Variants in HSP90AA1 observed in about 807,000 individuals in gnomAD.
HSP90AA1 encodes heat shock protein 90 alpha family class A member 1.
In HSP90AA1, 18 loss-of-function variants were observed where a neutral mutation model predicts 73.3. That is an observed-to-expected ratio of 0.25 (90% confidence interval 0.17 to 0.36). The LOEUF (loss-of-function observed/expected upper bound fraction) is 0.36. Ranked by LOEUF, HSP90AA1 falls within the 10% of genes least tolerant of loss-of-function variation. The probability of loss-of-function intolerance (pLI) is 1.00; values close to 1 mark genes in which losing one functional copy is unlikely to be tolerated. For missense variants in HSP90AA1, 704 were observed against 874.2 expected, an observed-to-expected ratio of 0.81 and a Z score of 2.45; for synonymous variants, 477 against 296.9, an observed-to-expected ratio of 1.61 and a Z score of -6.24.
At chr14:102,134,769 T>C (rs2049960993) in intron 1 of HSP90AA1, among the ~76,000 whole-genome samples, 1 of 152,164 alleles carries the variant, frequency 6.6e-6, no homozygotes, top group African/African-American at 2.4e-5. Context: ...GAGTGAGCAG[T>C]AGCAAGATTT....
At chr14:102,128,021 A>G (rs1434165337) in intron 1 of HSP90AA1, among the ~76,000 whole-genome samples, 3 of 152,152 alleles carry the variant, frequency 2.0e-5, no homozygotes, top group Admixed American at 6.6e-5. Flanking sequence ...TCAAGCAGAA[A>G]TGAACATTGG....
At chr14:102,125,366 T>G (rs1471445834) in intron 1 of HSP90AA1, among the ~76,000 whole-genome samples, 1 of 152,198 alleles carries the variant, frequency 6.6e-6, no homozygotes. Context: ...TCTTGCAATG[T>G]TAAAACCTAT....
chr14:102,102,251 G>A (rs2049503945), intron 1 of HSP90AA1, among the ~76,000 whole-genome samples: 1 of 152,166 alleles, frequency 6.6e-6, no homozygotes, highest in Non-Finnish European at 1.5e-5. Flanking sequence ...CTTCCTGCAG[G>A]AAGTTCAACT....
At chr14:102,089,147 GT>G (rs1214260673), upstream of HSP90AA1, among the ~76,000 whole-genome samples, 1 of 152,026 alleles carries the variant, frequency 6.6e-6, no homozygotes. Context: ...TCTCGAACCC[GT>G]GACCTCAGGT....
At position 102,084,439 on chromosome 14, in the gene HSP90AA1, G is replaced by A; in HGVS notation, c.1107C>T (p.Phe369=). The stretch of plus-strand genomic sequence containing the variant: ...TTAGCTCCTCACAGTTATCCATGAT[G>A]AAAACTCTGCGTACATACAATTTGA... ...NNIKLYVRRV[F]IMDNCEELIP... is the part of the protein sequence containing the mutation. Residue 369 remains phenylalanine, a synonymous_variant, in exon 6 of 11, where the codon TTC becomes TTT. Transcript: ENST00000216281. The A allele has an allele frequency of 3.1e-6, 5 of 1,613,522 alleles. No homozygotes were observed. Among genetic ancestry groups the A allele is most frequent in the South Asian group, 1.1e-5 (1 of 91,070 alleles).
At chr14:102,111,559 A>C (rs949213831) in intron 1 of HSP90AA1, among the ~76,000 whole-genome samples, 2 of 152,254 alleles carry the variant, frequency 1.3e-5, no homozygotes, top group African/African-American at 4.8e-5. Flanking sequence ...AACTGGCCCA[A>C]AACAAAGCAT....
At chr14:102,105,230 C>CAAA (rs1491556807) in intron 1 of HSP90AA1, among the ~76,000 whole-genome samples, 4 of 118,990 alleles carry the variant, frequency 3.4e-5, no homozygotes, top group African/African-American at 1.5e-4. Flanking sequence ...AAAAAAAAAA[C>CAAA]CAAACTTCAT....
At chr14:102,087,237 G>T, upstream of HSP90AA1, 1 of 872,518 alleles carries the variant, frequency 1.1e-6, no homozygotes, top group Non-Finnish European at 1.4e-6. Flanking sequence ...CCTGCTCGTG[G>T]CCCGGCCCGG....
Position 102,139,314 on chromosome 14 carries a change from G to A in HSP90AA1, c.91C>T (p.Arg31Cys), listed in dbSNP as rs370815348. 21 of 1,613,738 alleles carry A rather than the reference G, an allele frequency of 1.3e-5. No homozygotes were observed. The African/African-American group carries it at 1.5e-4, about 11-fold the overall frequency. Residue 31 changes from arginine (R) to cysteine (C), a missense_variant, in exon 1 of 12, where the codon CGC becomes TGC. Transcript: ENST00000334701. ...CCTGGGCGGGGATCCAGACGGTCGC[G>A]CGGGTATTCAGCACTCTGGGCGGGA...
rs768184998 is a variant in HSP90AA1, at chr14:102,081,718, T to G, written c.2193A>C (p.Val731=). The change falls in exon 11 of 11, where the codon GTA becomes GTC. Residue 731 remains valine (V), a synonymous_variant. Coordinates refer to ENST00000216281, the MANE Select transcript of HSP90AA1 (RefSeq NM_005348.4). The stretch of plus-strand genomic sequence containing the variant: ...GTCATCCCTCAGCCAGAGATTAGTC[T>G]ACTTCTTCCATGCGTGATGTGTCGT... ...GDDDTSRMEE[V]D 9 of 1,424,382 alleles carry G rather than the reference T, an allele frequency of 6.3e-6. No homozygotes were observed. In the South Asian group the frequency reaches 1.0e-4, roughly 16 times the overall value. 88.2% of individuals were successfully genotyped at this position (1,424,382 alleles called of 1,614,324 possible).
intron 4 of HSP90AA1, 118 bp from the exon 5 acceptor site, chr14:102,085,116 G>T: frequency 6.5e-7 from 1 of 1,550,250 alleles, no homozygotes; most frequent in Non-Finnish European, 8.9e-7. Flanking sequence ...GAAGCACCCA[G>T]CTTTTCATCA....
rs546002924 is a variant in HSP90AA1, at chr14:102,081,711, A to T, written c.*1T>A. On this transcript the variant is annotated 3_prime_UTR_variant, in exon 11 of 11. Coordinates refer to ENST00000216281, the MANE Select transcript of HSP90AA1 (RefSeq NM_005348.4). The stretch of plus-strand genomic sequence containing the variant: ...CAGGTAAGTCATCCCTCAGCCAGAG[A>T]TTAGTCTACTTCTTCCATGCGTGAT... 3 of 1,332,838 alleles carry T rather than the reference A, an allele frequency of 2.3e-6. No individual in the cohort carries two copies. In the East Asian group the frequency reaches 6.9e-5, roughly 31 times the overall value. The allele number at this position is 1,332,838 out of a possible 1,614,324, so 82.6% of individuals were successfully genotyped here.
At chr14:102,139,380 C>T (rs781564376) in exon 1 of HSP90AA1, 1 of 1,585,832 alleles carries the variant, frequency 6.3e-7, no homozygotes, top group Admixed American at 1.8e-5. Context: ...GGGGTGGAGC[C>T]GTCCCCGCCC....
At chr14:102,135,939 C>T (rs962667053) in intron 1 of HSP90AA1, among the ~76,000 whole-genome samples, 1 of 152,216 alleles carries the variant, frequency 6.6e-6, no homozygotes, top group African/African-American at 2.4e-5. Context: ...CAGCCTTGGC[C>T]AGCCCAGAAA....
chr14:102,124,517 A>G (rs1432382530), intron 1 of HSP90AA1, among the ~76,000 whole-genome samples: 7 of 151,892 alleles, frequency 4.6e-5, no homozygotes, highest in African/African-American at 1.2e-4. Context: ...TAAATCTGCT[A>G]TATTACATTG....
intron 3 of HSP90AA1, 122 bp from the exon 4 acceptor site, chr14:102,085,553 C>CA: frequency 1.7e-6 from 2 of 1,201,744 alleles, no homozygotes; most frequent in South Asian, 2.5e-5. Context: ...CAAAGGCCAC[C>CA]ACAGCAGAAC....
upstream of HSP90AA1, among the ~76,000 whole-genome samples, chr14:102,087,854 A>C (rs2049284119): frequency 6.6e-6 from 1 of 151,996 alleles, no homozygotes; most frequent in South Asian, 2.1e-4. Flanking sequence ...GATTTTGAAA[A>C]GCCCATCGTT....
intron 1 of HSP90AA1, among the ~76,000 whole-genome samples, chr14:102,133,671 C>T (rs1214030282): frequency 3.3e-5 from 5 of 151,752 alleles, no homozygotes; most frequent in Non-Finnish European, 5.9e-5. Flanking sequence ...TCAGTAGAGA[C>T]GGGGTTTCTC....
In HSP90AA1 at chr14:102,108,563, CT is replaced by C. The variant is rs1455820935; in HGVS notation, c.156-6479del. 2.9e-4 allele frequency among the ~76,000 whole-genome samples: 34 copies of C among 115,328 alleles called. 2 individuals carry two copies. The highest frequency in any genetic ancestry group is 1.1e-3 in the African/African-American group (33 of 29,020). 75.7% of individuals were successfully genotyped at this position (115,328 alleles called of 152,430 possible). Reference sequence around the variant, plus strand: ...TTTTTTTTTTTTTTTGAGATGGAGTCTTGCCCTTGTTGCCCATGCTGGAGTG... The same window carrying C: ...TTTTTTTTTTTTTTTGAGATGGAGTCTGCCCTTGTTGCCCATGCTGGAGTG... On this transcript the variant is annotated intron_variant, in intron 1 of 11. Coordinates refer to the HSP90AA1 transcript ENST00000334701.
Sources: allele counts gnomAD v4.1 joint callset (sites outside exome capture counted in the v4.1 genomes callset), GRCh38; gene constraint gnomAD v4.1.1; transcripts MANE v1.5; gene names NCBI Gene and HGNC (gene_info 2026-07-23, HGNC 2026-07-21).